CCDC85A: variants seen among roughly 807,000 people sequenced by gnomAD.
The protein encoded by CCDC85A is coiled-coil domain containing 85A.
CCDC85A carries 38 observed loss-of-function variants against 50.2 expected under a neutral mutation model. The ratio of observed to expected loss-of-function variants is 0.76; its 90% CI spans 0.58 to 0.99. The LOEUF (loss-of-function observed/expected upper bound fraction) is 0.99. CCDC85A is among the 50% of genes least tolerant of loss of function. CCDC85A has a pLI of 0.00. For synonymous variants in CCDC85A, 366 were observed against 301.4 expected (o/e 1.21, Z -2.22); for missense variants, 820 against 742.0 (o/e 1.11, Z -1.22).
chr2:56,236,219 C>T (rs535205301), intron 2 of CCDC85A, among the ~76,000 whole-genome samples: 7 of 152,260 alleles, frequency 4.6e-5, no homozygotes, highest in African/African-American at 1.7e-4. Flanking sequence ...TACCTGGTAC[C>T]TAGTGAGCAC....
intron 2 of CCDC85A, among the ~76,000 whole-genome samples, chr2:56,253,464 C>T (rs962793833): frequency 1.3e-5 from 2 of 152,080 alleles, no homozygotes; most frequent in African/African-American, 4.8e-5. Context: ...GCTCCTAGTA[C>T]AGTATGTGGT....
chr2:56,319,698 T>C (rs183704513), intron 2 of CCDC85A, among the ~76,000 whole-genome samples: 2 of 152,028 alleles, frequency 1.3e-5, no homozygotes, highest in Non-Finnish European at 2.9e-5. Context: ...AGACCTCTGA[T>C]TTTTCACAGT....
chr2:56,290,380 G>T (rs371783725), intron 2 of CCDC85A, among the ~76,000 whole-genome samples: 1 of 152,018 alleles, frequency 6.6e-6, no homozygotes, highest in Non-Finnish European at 1.5e-5. Context: ...TAGCTGTGGG[G>T]GTGGGAAAGA....
At chr2:56,294,443 T>C (rs1385087143) in intron 2 of CCDC85A, among the ~76,000 whole-genome samples, 1 of 152,166 alleles carries the variant, frequency 6.6e-6, no homozygotes, top group Non-Finnish European at 1.5e-5. Context: ...ATAACTTAAA[T>C]AAAATTTTTA....
At chr2:56,363,775 C>T (rs1468792002) in intron 3 of CCDC85A, among the ~76,000 whole-genome samples, 1 of 152,162 alleles carries the variant, frequency 6.6e-6, no homozygotes, top group South Asian at 2.1e-4. Flanking sequence ...AATTATTAAT[C>T]GGCTCTGGTC....
intron 3 of CCDC85A, among the ~76,000 whole-genome samples, chr2:56,361,502 C>T (rs1253076400): frequency 1.3e-5 from 2 of 152,030 alleles, no homozygotes; most frequent in Non-Finnish European, 2.9e-5. Context: ...AAGAGGTAAT[C>T]ACTATGAAGA....
At chr2:56,302,342 G>A (rs1380925088) in intron 2 of CCDC85A, among the ~76,000 whole-genome samples, 3 of 152,180 alleles carry the variant, frequency 2.0e-5, no homozygotes, top group Non-Finnish European at 4.4e-5. Flanking sequence ...TTCGCCTAGG[G>A]TAGTAGAAGG....
intron 2 of CCDC85A, among the ~76,000 whole-genome samples, chr2:56,334,688 C>T (rs756167415): frequency 6.6e-6 from 1 of 152,142 alleles, no homozygotes; most frequent in Non-Finnish European, 1.5e-5. Flanking sequence ...TGGTACAAAG[C>T]AGTATATTCC....
intron 2 of CCDC85A, among the ~76,000 whole-genome samples, chr2:56,324,339 C>G (rs1186906092): frequency 6.6e-6 from 1 of 151,952 alleles, no homozygotes; most frequent in Non-Finnish European, 1.5e-5. Flanking sequence ...TGTCTTCTGT[C>G]AAGGGGGAAA....
chr2:56,239,603 G>A (rs1283212707), intron 2 of CCDC85A, among the ~76,000 whole-genome samples: 1 of 152,142 alleles, frequency 6.6e-6, no homozygotes, highest in Non-Finnish European at 1.5e-5. Flanking sequence ...ATTTTATGAT[G>A]ATGATTCATT....
At chr2:56,251,633 TTTC>T (rs1233976093) in intron 2 of CCDC85A, among the ~76,000 whole-genome samples, 1 of 152,180 alleles carries the variant, frequency 6.6e-6, no homozygotes, top group Admixed American at 6.5e-5. Context: ...TGGCAGCTCC[TTTC>T]TTCTTCTTTA....
At chr2:56,292,601 G>T (rs1333566946) in intron 2 of CCDC85A, among the ~76,000 whole-genome samples, 4 of 152,226 alleles carry the variant, frequency 2.6e-5, no homozygotes, top group Non-Finnish European at 4.4e-5. Context: ...TTTTAGTGTT[G>T]TAGGCCTCTC....
intron 4 of CCDC85A, among the ~76,000 whole-genome samples, chr2:56,373,283 A>T (rs1050826989): frequency 6.6e-6 from 1 of 152,130 alleles, no homozygotes; most frequent in African/African-American, 2.4e-5. Context: ...TTGAAGTATA[A>T]CATTCATCCC....
chr2:56,320,808 G>A (rs9679692), intron 2 of CCDC85A, among the ~76,000 whole-genome samples: 5,323 of 152,190 alleles, frequency 0.035, 308 homozygotes, highest in African/African-American at 0.12. Flanking sequence ...ACATCATCCT[G>A]ATATCAAAGG....
At chr2:56,307,215 C>T (rs1672484507) in intron 2 of CCDC85A, among the ~76,000 whole-genome samples, 2 of 152,030 alleles carry the variant, frequency 1.3e-5, no homozygotes, top group South Asian at 4.1e-4. Context: ...ACGATACAGT[C>T]TTATCAGTTA....
At chr2:56,212,259 G>C (rs185936640) in intron 2 of CCDC85A, among the ~76,000 whole-genome samples, 2 of 152,124 alleles carry the variant, frequency 1.3e-5, no homozygotes, top group East Asian at 3.9e-4. Flanking sequence ...ATAATAGTTT[G>C]TTTACTGTGT....
Position 56,193,379 on chromosome 2 carries a change from C to A in CCDC85A, c.1179C>A (p.Leu393=). 6.2e-7 allele frequency: 1 copy of A among 1,611,380 alleles called. No homozygotes were observed. The highest frequency in any genetic ancestry group is 1.7e-5 in the Admixed American group (1 of 59,526). ...GCGGAGGCAGCAGGGAGGGCACCCT[C>A]AGACGGCAGGCACAGGAGGACGGGT... ...GSGGGSREGT[L]RRQAQEDGSP... is the part of the protein sequence containing the mutation. Residue 393 remains leucine, a synonymous_variant, in exon 2 of 6, where the codon CTC becomes CTA. Coordinates refer to ENST00000407595, the MANE Select transcript of CCDC85A (RefSeq NM_001080433.2).
chr2:56,199,568 T>TC (rs1355459570), intron 2 of CCDC85A, among the ~76,000 whole-genome samples: 1 of 152,046 alleles, frequency 6.6e-6, no homozygotes, highest in East Asian at 1.9e-4. Flanking sequence ...GTATGAGTAT[T>TC]CTTTTTTTTT....
intron 2 of CCDC85A, among the ~76,000 whole-genome samples, chr2:56,339,784 G>A (rs1558648775): frequency 6.6e-6 from 1 of 152,080 alleles, no homozygotes; most frequent in Non-Finnish European, 1.5e-5. Flanking sequence ...TTGCAAAACA[G>A]TGTAAATCAG....
Sources: allele counts gnomAD v4.1 joint callset (sites outside exome capture counted in the v4.1 genomes callset), GRCh38; gene constraint gnomAD v4.1.1; transcripts MANE v1.5; gene names NCBI Gene and HGNC (gene_info 2026-07-23, HGNC 2026-07-21).